The following NTN4 variants were observed in gnomAD, a reference collection of about 807,000 sequenced individuals.
NTN4 encodes the protein netrin-4.
In NTN4, 32 loss-of-function variants were observed where a neutral mutation model predicts 73.6. The ratio of observed to expected loss-of-function variants is 0.44; its 90% CI spans 0.33 to 0.58. NTN4 has a LOEUF of 0.58. NTN4 is among the 20% of genes least tolerant of loss of function. The pLI, the probability that NTN4 is intolerant of heterozygous loss-of-function variation, is 0.04. For missense variants in NTN4, 654 were observed against 798.3 expected (o/e 0.82, Z 2.18); for synonymous variants, 258 against 287.5 (o/e 0.90, Z 1.04).
At chr12:95,769,998 C>G (rs2079046447) in intron 2 of NTN4, among the ~76,000 whole-genome samples, 1 of 152,126 alleles carries the variant, frequency 6.6e-6, no homozygotes, top group South Asian at 2.1e-4. Context: ...CTCAGGTGAT[C>G]CACCAGCCTT....
chr12:95,698,945 T>G (rs1406935885), intron 5 of NTN4, among the ~76,000 whole-genome samples: 1 of 152,086 alleles, frequency 6.6e-6, no homozygotes, highest in Non-Finnish European at 1.5e-5. Context: ...AAGGATTGCC[T>G]TAGTATGATT....
intron 2 of NTN4, among the ~76,000 whole-genome samples, chr12:95,739,658 G>C (rs1042321297): frequency 6.6e-6 from 1 of 152,160 alleles, no homozygotes; most frequent in African/African-American, 2.4e-5. Context: ...TATCAGTAAA[G>C]TGCTACCTCC....
At chr12:95,780,380 A>G (rs185531069) in intron 2 of NTN4, among the ~76,000 whole-genome samples, 110 of 152,358 alleles carry the variant, frequency 7.2e-4, no homozygotes, top group African/African-American at 2.2e-3. Context: ...AGAATGAGAG[A>G]AAATTTTTGC....
At chr12:95,698,866 AT>A (rs1346020504) in intron 5 of NTN4, among the ~76,000 whole-genome samples, 1 of 151,684 alleles carries the variant, frequency 6.6e-6, no homozygotes, top group Non-Finnish European at 1.5e-5. Flanking sequence ...CAAAAAAAAA[AT>A]AAAATAAAAA....
chr12:95,760,607 T>TA (rs1467157598), intron 2 of NTN4, among the ~76,000 whole-genome samples: 1 of 152,136 alleles, frequency 6.6e-6, no homozygotes, highest in Non-Finnish European at 1.5e-5. Context: ...TAGGGATTGT[T>TA]ATGTTTGTTT....
intron 7 of NTN4, among the ~76,000 whole-genome samples, chr12:95,678,778 C>T (rs1214902065): frequency 6.7e-6 from 1 of 149,362 alleles, no homozygotes; most frequent in East Asian, 1.9e-4. Flanking sequence ...GCTCAAAATA[C>T]AAAAAAAAAG....
rs557973212 is a variant in NTN4, at chr12:95,682,057, C to CTTTTTTTTTTTTTTTTTTT, written c.1510+631_1510+649dup. On this transcript the variant is annotated intron_variant, in intron 7 of 9. Coordinates refer to ENST00000343702, the MANE Select transcript of NTN4 (RefSeq NM_021229.4). ...TTCCAAACCTAATATATTCAGTAGG[C>CTTTTTTTTTTTTTTTTTTT]TTTTTTTTTTTTTTTTTTTTTTTGA... 6.7e-4 allele frequency among the ~76,000 whole-genome samples: 43 copies of CTTTTTTTTTTTTTTTTTTT among 64,540 alleles called. 12 individuals are homozygous for CTTTTTTTTTTTTTTTTTTT. The highest frequency in any genetic ancestry group is 1.7e-3 in the South Asian group (2 of 1,152). The allele number at this position is 64,540 out of a possible 152,430, so 42.3% of individuals were successfully genotyped here. A position where few individuals can be genotyped will look rare whatever the true frequency, so the allele number is the denominator to read the frequency against.
At chr12:95,661,365 AT>A (rs1380130351) in intron 9 of NTN4, among the ~76,000 whole-genome samples, 2 of 152,338 alleles carry the variant, frequency 1.3e-5, no homozygotes, top group Non-Finnish European at 1.5e-5. Context: ...TTAGAAAAAC[AT>A]CATTTCTCAG....
At chr12:95,768,962 G>A (rs12371229) in intron 2 of NTN4, among the ~76,000 whole-genome samples, 51,967 of 151,870 alleles carry the variant, frequency 0.34, 9,509 homozygotes, top group East Asian at 0.62. Flanking sequence ...AGACAGCAAT[G>A]CCATGTATAC....
chr12:95,759,432 G>A (rs552433785), intron 2 of NTN4, among the ~76,000 whole-genome samples: 1 of 150,082 alleles, frequency 6.7e-6, no homozygotes, highest in African/African-American at 2.4e-5. Flanking sequence ...ATGCCTCCAA[G>A]TTCACCAAAC....
At chr12:95,672,136 C>G (rs924159792) in intron 7 of NTN4, 1 of 406,660 alleles carries the variant, frequency 2.5e-6, no homozygotes, top group Non-Finnish European at 4.6e-6. Context: ...GGCTAGGTAA[C>G]GTAGTAAGAC....
chr12:95,672,086 C>T (rs1043114951), intron 7 of NTN4, among the ~76,000 whole-genome samples: 1 of 151,424 alleles, frequency 6.6e-6, no homozygotes, highest in Non-Finnish European at 1.5e-5. Context: ...TTTGGGAGGT[C>T]GATATGGGTG....
At chr12:95,760,296 G>T (rs145406256) in intron 2 of NTN4, among the ~76,000 whole-genome samples, 2 of 152,276 alleles carry the variant, frequency 1.3e-5, no homozygotes, top group East Asian at 3.9e-4. Context: ...AGACTCATAG[G>T]AATACTAAGA....
At chr12:95,662,378 T>G (rs2078145774) in intron 9 of NTN4, among the ~76,000 whole-genome samples, 1 of 151,892 alleles carries the variant, frequency 6.6e-6, no homozygotes, top group African/African-American at 2.4e-5. Context: ...AACAGGCTCA[T>G]GCCACTAAAC....
intron 2 of NTN4, 118 bp from the exon 3 acceptor site, chr12:95,738,262 CAAG>C (rs1214803486): frequency 9.7e-7 from 1 of 1,027,030 alleles, no homozygotes; most frequent in Non-Finnish European, 1.4e-6. Flanking sequence ...GATAAGATAA[CAAG>C]AAGTTTTTAG....
intron 2 of NTN4, among the ~76,000 whole-genome samples, chr12:95,741,121 T>C (rs142585599): frequency 0.011 from 1,658 of 152,142 alleles, 11 homozygotes; most frequent in Non-Finnish European, 0.017. Flanking sequence ...TGTAACCCAC[T>C]GCAGGGAACA....
In NTN4 at chr12:95,659,050, A is replaced by G. The variant is rs779631000; in HGVS notation, c.*36T>C. The G allele has an allele frequency of 1.4e-5, 22 of 1,573,764 alleles. No individual in the cohort carries two copies. The East Asian group carries it at 4.7e-4, about 34-fold the overall frequency. The stretch of plus-strand genomic sequence containing the variant: ...TTGCTCTAAAGTTTGTGTTTTGTAC[A>G]TAGACAAGTGCCATTATGTGCTATC... On this transcript the variant is annotated 3_prime_UTR_variant, in exon 10 of 10. Coordinates refer to ENST00000343702, the MANE Select transcript of NTN4 (RefSeq NM_021229.4).
At chr12:95,786,069 C>T (rs142731315) in intron 2 of NTN4, among the ~76,000 whole-genome samples, 7 of 152,290 alleles carry the variant, frequency 4.6e-5, no homozygotes, top group African/African-American at 1.7e-4. Flanking sequence ...AAAAATCACC[C>T]CTAGTTGAAA....
In NTN4 at chr12:95,677,828, A is replaced by G. The variant is rs142548759; in HGVS notation, c.1510+4879T>C. On this transcript the variant is annotated intron_variant, in intron 7 of 9. Coordinates refer to ENST00000343702, the MANE Select transcript of NTN4 (RefSeq NM_021229.4). ...AAATATCATTTGGCCCAGCAATCCC[A>G]TTACTGGGTATACACCCAAAGGATT... Among the ~76,000 whole-genome samples the G allele has an allele frequency of 3.9e-5, 6 of 152,360 alleles. No homozygotes were observed. The East Asian group carries it at 9.6e-4, about 24-fold the overall frequency.
Sources: allele counts gnomAD v4.1 joint callset (sites outside exome capture counted in the v4.1 genomes callset), GRCh38; gene constraint gnomAD v4.1.1; transcripts MANE v1.5; gene names NCBI Gene and HGNC (gene_info 2026-07-23, HGNC 2026-07-21).